The following PLXNA2 variants were observed in gnomAD, a reference collection of about 807,000 sequenced individuals.
PLXNA2 encodes plexin A2.
In PLXNA2, 91 loss-of-function variants were observed where a neutral mutation model predicts 193.5. The ratio of observed to expected loss-of-function variants is 0.47; its 90% CI spans 0.40 to 0.56. The LOEUF (loss-of-function observed/expected upper bound fraction) is 0.56. PLXNA2 is among the 20% of genes least tolerant of loss of function. The pLI is 0.00. For synonymous variants in PLXNA2, 997 were observed against 1,027.3 expected, an observed-to-expected ratio of 0.97 and a Z score of 0.56; for missense variants, 1,995 against 2,503.2, an observed-to-expected ratio of 0.80 and a Z score of 4.33.
intron 3 of PLXNA2, among the ~76,000 whole-genome samples, chr1:208,149,039 A>G (rs1045188699): frequency 1.3e-5 from 2 of 152,222 alleles, no homozygotes; most frequent in African/African-American, 4.8e-5. Context: ...AGGTCTCAGC[A>G]TCTGGCGTCC....
At chr1:208,195,635 G>A (rs1386666627) in intron 3 of PLXNA2, among the ~76,000 whole-genome samples, 1 of 128,762 alleles carries the variant, frequency 7.8e-6, no homozygotes, top group African/African-American at 2.8e-5. Flanking sequence ...GAAAAGGATA[G>A]TCATAAAATG....
intron 17 of PLXNA2, among the ~76,000 whole-genome samples, chr1:208,047,358 T>C (rs1026535481): frequency 1.1e-5 from 1 of 90,704 alleles, no homozygotes; most frequent in African/African-American, 3.6e-5. Flanking sequence ...ACAGAGTTCA[T>C]GATATCTTTT....
At chr1:208,063,554 GA>G (rs1313842019) in intron 12 of PLXNA2, among the ~76,000 whole-genome samples, 3 of 152,234 alleles carry the variant, frequency 2.0e-5, no homozygotes, top group Non-Finnish European at 4.4e-5. Flanking sequence ...CAAGCCGGGA[GA>G]ATGAGTGTCC....
chr1:208,035,093 A>G (rs1395969697), intron 26 of PLXNA2, among the ~76,000 whole-genome samples: 2 of 152,120 alleles, frequency 1.3e-5, no homozygotes, highest in African/African-American at 2.4e-5. Context: ...GGCTTGCATT[A>G]ATTTTCTACT....
At chr1:208,161,511 G>A (rs58989457) in intron 3 of PLXNA2, among the ~76,000 whole-genome samples, 7,885 of 152,244 alleles carry the variant, frequency 0.052, 472 homozygotes, top group East Asian at 0.3. Context: ...CCTGAAATGT[G>A]CAACTTCACG....
At chr1:208,113,143 C>T (rs1005049446) in intron 4 of PLXNA2, among the ~76,000 whole-genome samples, 1 of 151,952 alleles carries the variant, frequency 6.6e-6, no homozygotes, top group African/African-American at 2.4e-5. Context: ...TAAGAAATAA[C>T]TAAAACAGAC....
intron 3 of PLXNA2, among the ~76,000 whole-genome samples, chr1:208,149,565 A>G (rs926467201): frequency 6.6e-6 from 1 of 151,628 alleles, no homozygotes; most frequent in African/African-American, 2.4e-5. Flanking sequence ...TGGTGTGTGT[A>G]TAAGTGTGGT....
chr1:208,122,288 C>T (rs1450275266), intron 4 of PLXNA2, among the ~76,000 whole-genome samples: 1 of 152,098 alleles, frequency 6.6e-6, no homozygotes, highest in Non-Finnish European at 1.5e-5. Flanking sequence ...ATAACCAGGC[C>T]CAGCCTCATA....
At chr1:208,090,902 C>T (rs978282762) in intron 9 of PLXNA2, among the ~76,000 whole-genome samples, 35 of 152,174 alleles carry the variant, frequency 2.3e-4, no homozygotes, top group African/African-American at 8.2e-4. Context: ...CTAGGTCTGC[C>T]CCTCTAAGCG....
intron 2 of PLXNA2, among the ~76,000 whole-genome samples, chr1:208,212,040 C>A (rs1670974222): frequency 6.6e-6 from 1 of 152,122 alleles, no homozygotes; most frequent in African/African-American, 2.4e-5. Flanking sequence ...AGGCTCTGGG[C>A]CAGAAAGAGC....
chr1:208,179,501 G>A (rs1669769995), intron 3 of PLXNA2, among the ~76,000 whole-genome samples: 1 of 152,134 alleles, frequency 6.6e-6, no homozygotes. Context: ...TCTGCCAAGA[G>A]GCAGGCAGCA....
chr1:208,067,959 C>G (rs989591395), intron 12 of PLXNA2, among the ~76,000 whole-genome samples: 1 of 152,140 alleles, frequency 6.6e-6, no homozygotes, highest in Admixed American at 6.5e-5. Flanking sequence ...ATCCTCAAGT[C>G]TCTACTCAAA....
chr1:208,089,339 A>G (rs944085902), intron 9 of PLXNA2, among the ~76,000 whole-genome samples: 1 of 152,240 alleles, frequency 6.6e-6, no homozygotes, highest in African/African-American at 2.4e-5. Context: ...GTGACCATGG[A>G]AACAAAGCTC....
In PLXNA2 at chr1:208,047,337, T is replaced by C. The variant is rs78770846; in HGVS notation, c.3256-1220A>G. 6.9e-3 allele frequency among the ~76,000 whole-genome samples: 1,055 copies of C among 152,354 alleles called. 6 individuals are homozygous for C. The highest frequency in any genetic ancestry group is 0.01 in the Non-Finnish European group (694 of 68,032). Reference sequence around the variant, plus strand: ...CCTAACCCTGCACTGGGACAGAAGCTTGGTTTTGACACAGAGTTCATGATA... The same window carrying C: ...CCTAACCCTGCACTGGGACAGAAGCCTGGTTTTGACACAGAGTTCATGATA... On this transcript the variant is annotated intron_variant, in intron 17 of 31. Coordinates refer to ENST00000367033, the MANE Select transcript of PLXNA2 (RefSeq NM_025179.4).
intron 4 of PLXNA2, among the ~76,000 whole-genome samples, chr1:208,113,523 T>G (rs1334135277): frequency 6.6e-6 from 1 of 151,352 alleles, no homozygotes; most frequent in African/African-American, 2.4e-5. Context: ...GGAATTCCAG[T>G]TAATCCCAAA....
intron 12 of PLXNA2, 77 bp from the exon 13 acceptor site, chr1:208,060,914 G>C (rs1665600075): frequency 6.9e-7 from 1 of 1,441,054 alleles, no homozygotes; most frequent in South Asian, 1.3e-5. Flanking sequence ...CCCTCCCCCA[G>C]GGAGGTTTAA....
chr1:208,215,641 G>T (rs537141561), intron 2 of PLXNA2, among the ~76,000 whole-genome samples: 61 of 151,940 alleles, frequency 4.0e-4, no homozygotes, highest in African/African-American at 1.4e-3. Flanking sequence ...GATGATGGAT[G>T]GATGGATGGA....
chr1:208,222,652 G>A (rs143392189), intron 1 of PLXNA2, among the ~76,000 whole-genome samples: 225 of 152,274 alleles, frequency 1.5e-3, no homozygotes, highest in African/African-American at 4.7e-3. Flanking sequence ...ACAATCAGGC[G>A]TTTCCAGTTC....
chr1:208,212,924 G>A (rs1671011312), intron 2 of PLXNA2, among the ~76,000 whole-genome samples: 1 of 152,192 alleles, frequency 6.6e-6, no homozygotes, highest in Non-Finnish European at 1.5e-5. Context: ...CTCAGCCTCA[G>A]TTTTCTCATC....
Sources: allele counts gnomAD v4.1 joint callset (sites outside exome capture counted in the v4.1 genomes callset), GRCh38; gene constraint gnomAD v4.1.1; transcripts MANE v1.5; gene names NCBI Gene and HGNC (gene_info 2026-07-23, HGNC 2026-07-21).